CEMIP2: variants seen among roughly 807,000 people sequenced by gnomAD.
CEMIP2 encodes the protein cell surface hyaluronidase CEMIP2.
Under a neutral mutation model 146.9 loss-of-function variants are expected in CEMIP2, and 79 were observed. The observed-to-expected ratio is 0.54, with a 90% CI of 0.45 to 0.65. The LOEUF (loss-of-function observed/expected upper bound fraction) is 0.65, where lower values mean the gene tolerates loss of function less well. Ranked by LOEUF, CEMIP2 falls within the 30% of genes least tolerant of loss-of-function variation. The pLI is 0.00. For missense variants in CEMIP2, 1,596 were observed against 1,696.2 expected, an observed-to-expected ratio of 0.94 and a Z score of 1.04; for synonymous variants, 601 against 606.3, an observed-to-expected ratio of 0.99 and a Z score of 0.13.
chr9:71,690,019 C>G (rs188490602), intron 22 of CEMIP2, 73 bp downstream of exon 22: 2 of 1,553,034 alleles, frequency 1.3e-6, no homozygotes, highest in East Asian at 4.5e-5. Context: ...CGGACTTGAC[C>G]AGGCATTATC....
rs1821984404 is a variant in CEMIP2 at position 71,684,064 on chromosome 9, T to C, written c.*1133A>G. The C allele has an allele frequency of 6.6e-6, 1 of 152,246 alleles. No homozygotes were observed. Among genetic ancestry groups the C allele is most frequent in the African/African-American group, 2.4e-5 (1 of 41,466 alleles). 9.4% of individuals were successfully genotyped at this position (152,246 alleles called of 1,614,324 possible). A position where few individuals can be genotyped will look rare whatever the true frequency, so the allele number is the denominator to read the frequency against. Reference sequence around the variant, plus strand: ...AAGCTGGGCATCACAGCATGCTTTTTAATTGGCTTTAACATTTCATTAAGT... The same window carrying C: ...AAGCTGGGCATCACAGCATGCTTTTCAATTGGCTTTAACATTTCATTAAGT... On this transcript the variant is annotated 3_prime_UTR_variant, in exon 24 of 24. Transcript: ENST00000377044.
intron 1 of CEMIP2, among the ~76,000 whole-genome samples, chr9:71,751,415 A>G (rs1426862231): frequency 6.6e-6 from 1 of 152,208 alleles, no homozygotes; most frequent in African/African-American, 2.4e-5. Flanking sequence ...GCTAAGGTGA[A>G]TGCTCAGGGC....
At chr9:71,688,936 C>T (rs895878926) in intron 22 of CEMIP2, among the ~76,000 whole-genome samples, 1 of 152,166 alleles carries the variant, frequency 6.6e-6, no homozygotes, top group African/African-American at 2.4e-5. Flanking sequence ...CAAACGAAAC[C>T]TATCTGCATA....
Position 71,754,216 on chromosome 9 carries a change from A to T in CEMIP2, c.-12-3831T>A, listed in dbSNP as rs1589166628. ...ACCCTAGAACTTAAAGTATAATAAT[A>T]AAAAAAAGATTTTTTAAAGAAAATA... On this transcript the variant is annotated intron_variant, in intron 1 of 23. Coordinates refer to ENST00000377044, the MANE Select transcript of CEMIP2 (RefSeq NM_013390.3). 2.6e-5 allele frequency among the ~76,000 whole-genome samples: 4 copies of T among 152,198 alleles called. No individual in the cohort carries two copies. In the East Asian group the frequency reaches 7.7e-4, roughly 29 times the overall value.
At chr9:71,711,547 C>T (rs556301316) in intron 16 of CEMIP2, among the ~76,000 whole-genome samples, 1 of 151,342 alleles carries the variant, frequency 6.6e-6, no homozygotes, top group East Asian at 1.9e-4. Context: ...CCACCGTTCA[C>T]ATCAGTGCAC....
intron 13 of CEMIP2, 94 bp downstream of exon 13, chr9:71,717,854 A>G: frequency 8.3e-7 from 1 of 1,202,404 alleles, no homozygotes; most frequent in Non-Finnish European, 1.1e-6. Context: ...GATTCCAAGA[A>G]TCATCACTGT....
chr9:71,730,835 G>A lies in CEMIP2; in HGVS notation c.1643C>T (p.Pro548Leu), dbSNP rs1370880290. Residue 548 changes from proline (P) to leucine (L), a missense_variant, in exon 8 of 24, where the codon CCT (proline) becomes CTT (leucine). By Grantham distance (98) the Pro-to-Leu change is moderately conservative. Coordinates refer to ENST00000377044, the MANE Select transcript of CEMIP2 (RefSeq NM_013390.3). ...GTCACCACACAGGTGAAAATGAACA[G>A]GGTATCGCCCCATCTGCTGCTGACC... is the stretch of plus-strand genomic sequence containing the variant. The part of the protein sequence containing the change: ...HMGQQQMGRY[P>L]VHFHLCGDVD... The A allele has an allele frequency of 6.2e-7, 1 of 1,614,092 alleles. No homozygotes were observed. The highest frequency in any genetic ancestry group is 8.5e-7 in the Non-Finnish European group (1 of 1,180,020).
chr9:71,695,317 TCA>T (rs1464301867), intron 20 of CEMIP2, among the ~76,000 whole-genome samples: 1 of 152,122 alleles, frequency 6.6e-6, no homozygotes, highest in Non-Finnish European at 1.5e-5. Context: ...CACTTAACTC[TCA>T]CACAATTTAA....
At chr9:71,769,094 C>G (rs956164324), upstream of CEMIP2, among the ~76,000 whole-genome samples, 6 of 152,118 alleles carry the variant, frequency 3.9e-5, no homozygotes, top group Non-Finnish European at 5.9e-5. Flanking sequence ...GGGCAGAGCC[C>G]CAGCCAGCGC....
intron 1 of CEMIP2, among the ~76,000 whole-genome samples, chr9:71,755,477 G>T (rs866296977): frequency 6.6e-6 from 1 of 151,976 alleles, no homozygotes; most frequent in African/African-American, 2.4e-5. Context: ...GAGACCAGTA[G>T]TTCAAGGTTG....
chr9:71,763,874 G>A (rs1479545769), intron 1 of CEMIP2, among the ~76,000 whole-genome samples: 1 of 152,192 alleles, frequency 6.6e-6, no homozygotes, highest in Non-Finnish European at 1.5e-5. Flanking sequence ...ATTTATCTCT[G>A]TATTGCTCAC....
chr9:71,720,919 A>G (rs1823214980), intron 12 of CEMIP2, among the ~76,000 whole-genome samples: 1 of 152,170 alleles, frequency 6.6e-6, no homozygotes, highest in Admixed American at 6.5e-5. Flanking sequence ...AACCATTTTC[A>G]TAATATCACA....
chr9:71,709,351 C>T lies in CEMIP2; in HGVS notation c.2893G>A (p.Val965Met). 1 of 1,614,188 alleles carries T rather than the reference C, an allele frequency of 6.2e-7. No individual in the cohort carries two copies. The change falls in exon 17 of 24, where the codon GTG (valine) becomes ATG (methionine). Residue 965 changes from valine (V) to methionine (M), a missense_variant. By Grantham distance (21) the Val-to-Met change is conservative. Transcript: ENST00000377044. ...ATCAGGTAGTTGTCCATTCTTCCCACATAAGCATCCTTGTATCCTGTCACA... is the reference window on the plus strand; with the variant it reads ...ATCAGGTAGTTGTCCATTCTTCCCATATAAGCATCCTTGTATCCTGTCACA... ...GSVTGYKDAYVGRMDNYLIRH... is the reference protein window; with the variant it reads ...GSVTGYKDAYMGRMDNYLIRH...
intron 14 of CEMIP2, among the ~76,000 whole-genome samples, chr9:71,715,650 T>TATATATATAC (rs1823034973): frequency 1.6e-4 from 8 of 49,338 alleles, no homozygotes; most frequent in Non-Finnish European, 2.9e-4. Flanking sequence ...ATATATATAC[T>TATATATATAC]TTTTTTTTTT....
In CEMIP2 at chr9:71,706,731, T is replaced by C. The variant is rs147183066; in HGVS notation, c.2986-1928A>G. 4.6e-3 allele frequency among the ~76,000 whole-genome samples: 703 copies of C among 152,314 alleles called. 5 individuals carry two copies. The highest frequency in any genetic ancestry group is 0.016 in the African/African-American group (662 of 41,562). On this transcript the variant is annotated intron_variant, in intron 17 of 23. Coordinates refer to ENST00000377044, the MANE Select transcript of CEMIP2 (RefSeq NM_013390.3). ...TACCTGCCACTTTAAGACAGACAGA[T>C]AGATATACGCACACATGCATGAATA...
Position 71,730,546 on chromosome 9 carries a change from G to A in CEMIP2, c.1773+159C>T, listed in dbSNP as rs114235340. ...ATACTCTGGGTGGTTGGAAAGGTAGGCTTCCTTCAGACAGAAAAATCGTGG... is the reference window on the plus strand; with the variant it reads ...ATACTCTGGGTGGTTGGAAAGGTAGACTTCCTTCAGACAGAAAAATCGTGG... On this transcript the variant is annotated intron_variant, in intron 8 of 23. Transcript: ENST00000377044. 3.9e-3 allele frequency among the ~76,000 whole-genome samples: 588 copies of A among 152,274 alleles called. 4 individuals are homozygous for A. Among genetic ancestry groups the A allele is most frequent in the African/African-American group, 0.013 (529 of 41,548 alleles).
intron 1 of CEMIP2, among the ~76,000 whole-genome samples, chr9:71,753,156 G>A (rs1020048608): frequency 2.6e-5 from 4 of 152,138 alleles, no homozygotes; most frequent in Non-Finnish European, 1.5e-5. Flanking sequence ...CAGCTCACCA[G>A]GGTGGGAGGG....
chr9:71,709,166 CAA>C, intron 17 of CEMIP2, 91 bp downstream of exon 17: 1 of 1,178,342 alleles, frequency 8.5e-7, no homozygotes, highest in South Asian at 1.3e-5. Context: ...TGGAAAATGT[CAA>C]TCACACTGAA....
At chr9:71,714,267 TGA>T (rs1369187832) in intron 15 of CEMIP2, among the ~76,000 whole-genome samples, 1 of 152,212 alleles carries the variant, frequency 6.6e-6, no homozygotes, top group Non-Finnish European at 1.5e-5. Flanking sequence ...ACAAGTAAAA[TGA>T]GAAGTCCAAA....
Sources: allele counts gnomAD v4.1 joint callset (sites outside exome capture counted in the v4.1 genomes callset), GRCh38; gene constraint gnomAD v4.1.1; transcripts MANE v1.5; gene names NCBI Gene and HGNC (gene_info 2026-07-23, HGNC 2026-07-21).